PCDH9: variants seen among roughly 807,000 people sequenced by gnomAD.
PCDH9 encodes the protein protocadherin-9.
PCDH9 carries 24 observed loss-of-function variants against 70.6 expected under a neutral mutation model. The ratio of observed to expected loss-of-function variants is 0.34; its 90% CI spans 0.25 to 0.48. The LOEUF (loss-of-function observed/expected upper bound fraction) is 0.48, where lower values mean the gene tolerates loss of function less well. PCDH9 is among the 20% of genes least tolerant of loss of function. PCDH9 has a pLI of 0.99. For missense variants in PCDH9, 1,281 were observed against 1,503.6 expected, an observed-to-expected ratio of 0.85 and a Z score of 2.45; for synonymous variants, 562 against 558.5, an observed-to-expected ratio of 1.01 and a Z score of -0.09.
At chr13:66,402,686 C>T (rs1223160207) in intron 4 of PCDH9, among the ~76,000 whole-genome samples, 3 of 152,052 alleles carry the variant, frequency 2.0e-5, no homozygotes, top group Non-Finnish European at 2.9e-5. Flanking sequence ...GTTAAATTTA[C>T]CTCTGCTGCA....
At chr13:66,775,042 T>C (rs1202044399) in intron 3 of PCDH9, among the ~76,000 whole-genome samples, 3 of 152,228 alleles carry the variant, frequency 2.0e-5, no homozygotes, top group Non-Finnish European at 4.4e-5. Flanking sequence ...TTTATGCTGA[T>C]TACTGCTAAT....
intron 4 of PCDH9, among the ~76,000 whole-genome samples, chr13:66,530,644 C>T (rs557316751): frequency 4.6e-5 from 7 of 151,978 alleles, no homozygotes; most frequent in South Asian, 2.1e-4. Context: ...GTCCATGTAT[C>T]TGTTGATCCA....
intron 2 of PCDH9, among the ~76,000 whole-genome samples, chr13:67,084,289 A>C (rs1230782198): frequency 6.6e-6 from 1 of 152,132 alleles, no homozygotes; most frequent in Non-Finnish European, 1.5e-5. Context: ...CTCTGACCCC[A>C]TTCTTCTTTC....
At chr13:67,101,325 G>T (rs1254409557) in intron 2 of PCDH9, among the ~76,000 whole-genome samples, 1 of 152,188 alleles carries the variant, frequency 6.6e-6, no homozygotes, top group African/African-American at 2.4e-5. Context: ...GGAAAAAAAA[G>T]TTAAGGGAGT....
chr13:66,792,154 T>C (rs907741650), intron 3 of PCDH9, among the ~76,000 whole-genome samples: 2 of 152,204 alleles, frequency 1.3e-5, no homozygotes, highest in Admixed American at 6.5e-5. Context: ...ATTTTTCTTG[T>C]TGGTCAATCT....
chr13:66,747,525 T>A (rs9540892), intron 3 of PCDH9, among the ~76,000 whole-genome samples: 74,664 of 152,014 alleles, frequency 0.49, 20,421 homozygotes, highest in Non-Finnish European at 0.63. Flanking sequence ...TTAAATACAC[T>A]CAGGAGAGCA....
chr13:66,719,557 T>A (rs972361379), intron 3 of PCDH9, among the ~76,000 whole-genome samples: 1 of 152,160 alleles, frequency 6.6e-6, no homozygotes, highest in Non-Finnish European at 1.5e-5. Context: ...ACTTCCTGTC[T>A]GCAGAACTGT....
intron 4 of PCDH9, among the ~76,000 whole-genome samples, chr13:66,321,926 T>C (rs1482621180): frequency 6.6e-6 from 1 of 151,940 alleles, no homozygotes. Context: ...TCAGTGCCAA[T>C]GGACTAGAAT....
At chr13:67,074,144 G>A (rs2085829866) in intron 2 of PCDH9, among the ~76,000 whole-genome samples, 1 of 150,948 alleles carries the variant, frequency 6.6e-6, no homozygotes, top group African/African-American at 2.4e-5. Context: ...CTATCTTACT[G>A]CTATAGACTG....
chr13:66,812,964 CA>C (rs1294554825), intron 3 of PCDH9, among the ~76,000 whole-genome samples: 1 of 152,236 alleles, frequency 6.6e-6, no homozygotes, highest in South Asian at 2.1e-4. Context: ...CTGTAGTATC[CA>C]AAATGAGGAT....
chr13:66,459,471 GT>G (rs983388397), intron 4 of PCDH9, among the ~76,000 whole-genome samples: 51 of 148,266 alleles, frequency 3.4e-4, no homozygotes, highest in African/African-American at 8.9e-4. Flanking sequence ...AAAAAGTTGT[GT>G]TTTTTTTTTA....
intron 4 of PCDH9, among the ~76,000 whole-genome samples, chr13:66,383,106 T>A (rs991957360): frequency 6.6e-6 from 1 of 152,174 alleles, no homozygotes; most frequent in South Asian, 2.1e-4. Flanking sequence ...AAGCACAATA[T>A]AGTTCACTTG....
chr13:66,615,897 T>A (rs1000882328), intron 4 of PCDH9, among the ~76,000 whole-genome samples: 2 of 152,234 alleles, frequency 1.3e-5, no homozygotes, highest in African/African-American at 4.8e-5. Context: ...CTGTGGGTAT[T>A]CTTATGGCAA....
intron 4 of PCDH9, among the ~76,000 whole-genome samples, chr13:66,306,510 A>G (rs2138053873): frequency 6.6e-6 from 1 of 151,562 alleles, no homozygotes; most frequent in African/African-American, 2.4e-5. Flanking sequence ...GTAACCAAAA[A>G]CCACTTGTAC....
rs575753480 is a variant in PCDH9, at chr13:66,419,131, C to T, written c.3341-114103G>A. 7.6e-4 allele frequency among the ~76,000 whole-genome samples: 115 copies of T among 152,068 alleles called. 1 individual carries two copies. Among genetic ancestry groups the T allele is most frequent in the Non-Finnish European group, 7.8e-4 (53 of 67,978 alleles). Reference sequence around the variant, plus strand: ...CAACCAAAAAAAGCCCAGGACCAGACGGATTTTCTATTGTTTGAAACTATT... The same window carrying T: ...CAACCAAAAAAAGCCCAGGACCAGATGGATTTTCTATTGTTTGAAACTATT... On this transcript the variant is annotated intron_variant, in intron 4 of 4. Transcript: ENST00000377865.
intron 2 of PCDH9, among the ~76,000 whole-genome samples, chr13:67,109,619 A>G (rs1237982387): frequency 6.6e-6 from 1 of 152,214 alleles, no homozygotes; most frequent in Non-Finnish European, 1.5e-5. Context: ...AAGTCTCTAT[A>G]AAAGTTTAGT....
intron 3 of PCDH9, among the ~76,000 whole-genome samples, chr13:66,793,070 C>T (rs1375941849): frequency 6.6e-6 from 1 of 151,620 alleles, no homozygotes; most frequent in Non-Finnish European, 1.5e-5. Context: ...ACTTTTGCTG[C>T]CAATTTTAAA....
intron 2 of PCDH9, among the ~76,000 whole-genome samples, chr13:67,090,191 A>G (rs187443292): frequency 6.6e-6 from 1 of 152,166 alleles, no homozygotes; most frequent in East Asian, 1.9e-4. Context: ...AAAATGTTTT[A>G]GGGCAGTCTT....
At chr13:66,672,487 G>C (rs2139041060) in intron 3 of PCDH9, among the ~76,000 whole-genome samples, 1 of 152,328 alleles carries the variant, frequency 6.6e-6, no homozygotes, top group African/African-American at 2.4e-5. Context: ...GGAGGGAAAT[G>C]AGGGGTGGGA....
Sources: gnomAD v4.1 joint callset for allele counts (sites outside exome capture counted in the v4.1 genomes callset) on GRCh38, gnomAD v4.1.1 for gene constraint, MANE v1.5 for transcripts, NCBI Gene and HGNC (gene_info 2026-07-23, HGNC 2026-07-21) for gene names.